The following CA10 variants were observed in gnomAD, a reference collection of about 807,000 sequenced individuals.
CA10 encodes the protein carbonic anhydrase 10 (inactive).
A neutral mutation model predicts 44.2 loss-of-function variants in CA10; 14 were observed. The ratio of observed to expected loss-of-function variants is 0.32; its 90% confidence interval spans 0.21 to 0.50. CA10 has a LOEUF of 0.50. Among genes scored for constraint, CA10 ranks in the 20% least tolerant of loss-of-function variants. The pLI is 0.99. For missense variants in CA10, 350 were observed against 409.7 expected, an observed-to-expected ratio of 0.85 and a Z score of 1.26; for synonymous variants, 159 against 141.6, an observed-to-expected ratio of 1.12 and a Z score of -0.87.
intron 3 of CA10, among the ~76,000 whole-genome samples, chr17:51,909,833 G>C (rs573748249): frequency 6.6e-6 from 1 of 152,226 alleles, no homozygotes; most frequent in South Asian, 2.1e-4. Flanking sequence ...TGTCGAGAAA[G>C]ACTCCTTTCT....
At chr17:51,720,454 T>C (rs1916318837) in intron 4 of CA10, among the ~76,000 whole-genome samples, 1 of 152,190 alleles carries the variant, frequency 6.6e-6, no homozygotes, top group South Asian at 2.1e-4. Flanking sequence ...AGTAGAGGGT[T>C]GAAACTTCAG....
At chr17:51,713,053 C>T (rs571243812) in intron 4 of CA10, among the ~76,000 whole-genome samples, 1 of 152,224 alleles carries the variant, frequency 6.6e-6, no homozygotes, top group African/African-American at 2.4e-5. Context: ...AAGGCCATCA[C>T]AGAAACTCAG....
intron 1 of CA10, among the ~76,000 whole-genome samples, chr17:52,091,055 T>C (rs982439173): frequency 6.6e-6 from 1 of 152,166 alleles, no homozygotes; most frequent in African/African-American, 2.4e-5. Flanking sequence ...ATAATGTTTT[T>C]TGAAGATTAT....
intron 2 of CA10, among the ~76,000 whole-genome samples, chr17:52,049,130 G>T (rs1302660195): frequency 6.6e-6 from 1 of 152,080 alleles, no homozygotes; most frequent in Non-Finnish European, 1.5e-5. Flanking sequence ...TCAAGATCCA[G>T]AAGGCTAAAC....
intron 1 of CA10, among the ~76,000 whole-genome samples, chr17:52,074,360 T>A (rs1987762740): frequency 6.6e-6 from 1 of 152,182 alleles, no homozygotes; most frequent in African/African-American, 2.4e-5. Flanking sequence ...TTAAAAGCAT[T>A]GAACTATAAA....
intron 1 of CA10, among the ~76,000 whole-genome samples, chr17:52,092,243 AAAGGG>A (rs1988286635): frequency 6.6e-6 from 1 of 152,150 alleles, no homozygotes; most frequent in African/African-American, 2.4e-5. Context: ...TTTTTTCTTA[AAAGGG>A]AAGGGGACTA....
At chr17:52,029,243 C>A (rs986469126) in intron 2 of CA10, among the ~76,000 whole-genome samples, 4 of 152,026 alleles carry the variant, frequency 2.6e-5, no homozygotes, top group Admixed American at 6.6e-5. Context: ...TCTCCTGGAC[C>A]CCCTCTTGCC....
chr17:51,821,677 C>T (rs1907808676), intron 3 of CA10, among the ~76,000 whole-genome samples: 1 of 152,028 alleles, frequency 6.6e-6, no homozygotes, highest in Admixed American at 6.5e-5. Flanking sequence ...TCTCATTTCA[C>T]TCAGTGTAAA....
intron 3 of CA10, among the ~76,000 whole-genome samples, chr17:51,929,661 A>G (rs1982571354): frequency 6.7e-6 from 1 of 150,272 alleles, no homozygotes; most frequent in East Asian, 2.0e-4. Flanking sequence ...CTTCTTAAAT[A>G]CTGACCAGCG....
At chr17:51,906,171 C>T (rs905298882) in intron 3 of CA10, among the ~76,000 whole-genome samples, 2 of 152,064 alleles carry the variant, frequency 1.3e-5, no homozygotes, top group East Asian at 3.9e-4. Flanking sequence ...CTCTAGCTAG[C>T]CTACCCCCAT....
intron 2 of CA10, among the ~76,000 whole-genome samples, chr17:51,983,759 A>G (rs1372637454): frequency 6.6e-6 from 1 of 151,808 alleles, no homozygotes; most frequent in East Asian, 1.9e-4. Flanking sequence ...TTCCTGGACA[A>G]CAATAATGAA....
chr17:51,886,364 C>G (rs1262968364), intron 3 of CA10, among the ~76,000 whole-genome samples: 4 of 152,150 alleles, frequency 2.6e-5, no homozygotes, highest in Non-Finnish European at 5.9e-5. Flanking sequence ...GAGTGTTCTA[C>G]AAAATCTTAG....
At chr17:52,119,396 C>T (rs933037790) in intron 1 of CA10, among the ~76,000 whole-genome samples, 2 of 152,154 alleles carry the variant, frequency 1.3e-5, no homozygotes, top group Admixed American at 6.5e-5. Context: ...ACTTGCAGAG[C>T]TGATAAAAGT....
At chr17:51,641,064 G>C (rs12941959) in intron 6 of CA10, among the ~76,000 whole-genome samples, 100,415 of 151,296 alleles carry the variant, frequency 0.66, 34,028 homozygotes, top group South Asian at 0.76. Context: ...TGGTGGAAGT[G>C]AGGACAGATG....
In CA10 at chr17:52,029,612, TCC is replaced by T. The variant is rs573380708; in HGVS notation, c.136+42705_136+42706del. On this transcript the variant is annotated intron_variant, in intron 2 of 8. Transcript: ENST00000451037. The stretch of plus-strand genomic sequence containing the variant: ...ATCTGTAAAACACCAAAGATTGCCA[TCC>T]CCATCACTGTTGTGGAAGATCAGCG... 1.3e-3 allele frequency among the ~76,000 whole-genome samples: 186 copies of T among 147,816 alleles called. 4 individuals are homozygous for T. The South Asian group carries it at 0.025, about 20-fold the overall frequency.
chr17:51,791,872 T>C (rs1048909662), intron 3 of CA10, among the ~76,000 whole-genome samples: 1 of 152,234 alleles, frequency 6.6e-6, no homozygotes, highest in South Asian at 2.1e-4. Flanking sequence ...TGTGTTTCCA[T>C]GGAACTTTGC....
At chr17:52,143,684 C>T (rs1287260655) in intron 1 of CA10, among the ~76,000 whole-genome samples, 5 of 152,106 alleles carry the variant, frequency 3.3e-5, no homozygotes, top group African/African-American at 4.8e-5. Flanking sequence ...TGGGTCTACA[C>T]TCAGCTTCTC....
chr17:51,700,794 A>T (rs758242287), intron 4 of CA10, among the ~76,000 whole-genome samples: 24 of 152,144 alleles, frequency 1.6e-4, no homozygotes, highest in Non-Finnish European at 2.4e-4. Flanking sequence ...GGAAGCCATT[A>T]TCCTTAGCAA....
chr17:52,158,049 T>C lies in CA10; in HGVS notation c.-263A>G, dbSNP rs533428481. ...CCGATGCCTCGCTGCCTTGGAGGTC[T>C]CCCCGCTCGCGTGTCTCTTCTCTTC... On this transcript the variant is annotated 5_prime_UTR_variant, in exon 1 of 9. Coordinates refer to ENST00000451037, the MANE Select transcript of CA10 (RefSeq NM_020178.5). 30 of 540,652 alleles carry C rather than the reference T, an allele frequency of 5.5e-5. 1 individual carries two copies. The South Asian group carries it at 6.2e-4, about 11-fold the overall frequency. 33.5% of individuals were successfully genotyped at this position (540,652 alleles called of 1,614,324 possible). A position where few individuals can be genotyped will look rare whatever the true frequency, so the allele number is the denominator to read the frequency against.
Sources: gnomAD v4.1 joint callset for allele counts (sites outside exome capture counted in the v4.1 genomes callset) on GRCh38, gnomAD v4.1.1 for gene constraint, MANE v1.5 for transcripts, NCBI Gene and HGNC (gene_info 2026-07-23, HGNC 2026-07-21) for gene names.